The following SGCD variants were observed in gnomAD, a reference collection of about 807,000 sequenced individuals.
SGCD encodes sarcoglycan delta, also known as delta-sarcoglycan.
A neutral mutation model predicts 36.6 loss-of-function variants in SGCD; 18 were observed. The observed-to-expected ratio is 0.49, with a 90% CI of 0.34 to 0.73. The LOEUF is 0.73. SGCD is among the 30% of genes least tolerant of loss of function. The pLI is 0.01. For missense variants in SGCD, 387 were observed against 346.7 expected (o/e 1.12, Z -0.92); for synonymous variants, 133 against 130.6 (o/e 1.02, Z -0.12).
intron 3 of SGCD, among the ~76,000 whole-genome samples, chr5:156,358,811 A>C (rs1769625039): frequency 1.3e-5 from 2 of 152,154 alleles, no homozygotes; most frequent in South Asian, 2.1e-4. Flanking sequence ...AAAATGAAGA[A>C]ATGGGCATCT....
intron 6 of SGCD, among the ~76,000 whole-genome samples, chr5:156,637,653 T>C (rs1252567723): frequency 1.3e-5 from 2 of 152,094 alleles, no homozygotes; most frequent in African/African-American, 4.8e-5. Context: ...TAGCTGGACA[T>C]TTTGCTCCCA....
intron 1 of SGCD, among the ~76,000 whole-genome samples, chr5:155,942,612 C>T (rs1289960999): frequency 6.6e-6 from 1 of 151,976 alleles, no homozygotes; most frequent in Non-Finnish European, 1.5e-5. Context: ...AGTGGCTGCC[C>T]AATGCAATGG....
the SGCD span, among the ~76,000 whole-genome samples, chr5:155,814,277 T>G: frequency 6.6e-6 from 1 of 152,222 alleles, no homozygotes; most frequent in Non-Finnish European, 1.5e-5. Context: ...AGGAATGTTC[T>G]CCTATTTCCC....
At chr5:156,178,011 T>C (rs773913170) in intron 3 of SGCD, among the ~76,000 whole-genome samples, 1 of 152,218 alleles carries the variant, frequency 6.6e-6, no homozygotes, top group Non-Finnish European at 1.5e-5. Flanking sequence ...TTAAGCCTAA[T>C]CTATATCTTA....
chr5:156,556,985 G>A (rs914140397), intron 4 of SGCD, among the ~76,000 whole-genome samples: 1 of 152,176 alleles, frequency 6.6e-6, no homozygotes, highest in African/African-American at 2.4e-5. Context: ...AGCTATAAGT[G>A]TACCTTGCTG....
intron 3 of SGCD, among the ~76,000 whole-genome samples, chr5:156,507,697 A>T (rs900465762): frequency 1.3e-5 from 2 of 152,224 alleles, no homozygotes; most frequent in Admixed American, 6.5e-5. Context: ...AACTCTGGGA[A>T]ATTCCATTTT....
intron 8 of SGCD, 59 bp from the exon 9 acceptor site, chr5:156,759,158 G>T: frequency 7.6e-7 from 1 of 1,323,668 alleles, no homozygotes. Flanking sequence ...GTTTCTGAAT[G>T]TCAAGAGAAG....
intron 4 of SGCD, among the ~76,000 whole-genome samples, chr5:156,524,142 A>G (rs1199161269): frequency 1.1e-5 from 1 of 93,516 alleles, no homozygotes; most frequent in Non-Finnish European, 2.1e-5. Flanking sequence ...ATATATATAT[A>G]TATATGGTTT....
At chr5:155,823,806 A>G in the SGCD span, among the ~76,000 whole-genome samples, 3 of 152,192 alleles carry the variant, frequency 2.0e-5, no homozygotes, top group Non-Finnish European at 4.4e-5. Context: ...TCTTCTTTAC[A>G]GAGTTATTAT....
intron 1 of SGCD, among the ~76,000 whole-genome samples, chr5:155,930,780 C>A (rs1757083809): frequency 6.6e-6 from 1 of 152,118 alleles, no homozygotes; most frequent in African/African-American, 2.4e-5. Flanking sequence ...TTGCAATTAT[C>A]AAACATTGTT....
chr5:156,070,550 T>C (rs564155431), intron 1 of SGCD, among the ~76,000 whole-genome samples: 1 of 151,280 alleles, frequency 6.6e-6, no homozygotes. Flanking sequence ...TTATTGAGGA[T>C]TTTTGCATCA....
At chr5:156,650,499 C>T (rs1387960899) in intron 7 of SGCD, among the ~76,000 whole-genome samples, 2 of 152,110 alleles carry the variant, frequency 1.3e-5, no homozygotes, top group Non-Finnish European at 2.9e-5. Context: ...TCTCTCTCCT[C>T]ATCTACTAGT....
intron 1 of SGCD, among the ~76,000 whole-genome samples, chr5:156,045,596 T>C (rs868160358): frequency 6.6e-6 from 1 of 152,184 alleles, no homozygotes; most frequent in Non-Finnish European, 1.5e-5. Context: ...TTTACTTCTT[T>C]ACACTTCTGG....
At chr5:155,821,416 C>T in the SGCD span, among the ~76,000 whole-genome samples, 1 of 152,148 alleles carries the variant, frequency 6.6e-6, no homozygotes, top group African/African-American at 2.4e-5. Flanking sequence ...CAGGTTCACC[C>T]CATTCTCTTG....
At chr5:156,060,364 C>T (rs74809394) in intron 1 of SGCD, among the ~76,000 whole-genome samples, 10,444 of 145,646 alleles carry the variant, frequency 0.072, 1,654 homozygotes, top group African/African-American at 0.24. Context: ...ACAAGATTTC[C>T]CTGGAATTGG....
intron 7 of SGCD, among the ~76,000 whole-genome samples, chr5:156,696,380 T>C (rs1030264407): frequency 6.6e-6 from 1 of 152,234 alleles, no homozygotes; most frequent in Non-Finnish European, 1.5e-5. Context: ...TCCTAAGAAC[T>C]GTTTTGGCTA....
At chr5:156,638,074 G>C (rs113279489) in intron 6 of SGCD, among the ~76,000 whole-genome samples, 66 of 151,386 alleles carry the variant, frequency 4.4e-4, no homozygotes, top group African/African-American at 1.5e-3. Flanking sequence ...CTGGCCACAG[G>C]AACAGCGTGT....
At chr5:156,453,690 G>C (rs1754126155) in intron 3 of SGCD, among the ~76,000 whole-genome samples, 1 of 152,254 alleles carries the variant, frequency 6.6e-6, no homozygotes, top group South Asian at 2.1e-4. Flanking sequence ...ACAGAGAATT[G>C]TCTGGCTCAA....
At chr5:156,329,277 C>T (rs1191845698) in intron 1 of SGCD, among the ~76,000 whole-genome samples, 2 of 152,156 alleles carry the variant, frequency 1.3e-5, no homozygotes, top group African/African-American at 2.4e-5. Context: ...GAATGAAACA[C>T]ATGTATTAGA....
Sources: gnomAD v4.1 joint callset for allele counts (sites outside exome capture counted in the v4.1 genomes callset) on GRCh38, gnomAD v4.1.1 for gene constraint, MANE v1.5 for transcripts, NCBI Gene and HGNC (gene_info 2026-07-23, HGNC 2026-07-21) for gene names.